Variants in PDCD10 observed in about 807,000 individuals in gnomAD.
The protein encoded by PDCD10 is programmed cell death 10, also known as programmed cell death protein 10.
A neutral mutation model predicts 29.2 loss-of-function variants in PDCD10; 4 were observed. The ratio of observed to expected loss-of-function variants is 0.14; its 90% CI spans 0.07 to 0.31. The LOEUF (loss-of-function observed/expected upper bound fraction) is 0.31. Ranked by LOEUF, PDCD10 falls within the 10% of genes least tolerant of loss-of-function variation. PDCD10 has a pLI of 1.00. For synonymous variants in PDCD10, 70 were observed against 82.2 expected (o/e 0.85, Z 0.80); for missense variants, 183 against 257.9 (o/e 0.71, Z 1.99).
Position 167,704,900 on chromosome 3 carries a change from A to G in PDCD10, c.97-5T>C. ...AGACAGATTTACTCGTTCTAGCTGC[A>G]ATAAAAATTTTAAATTATTATGAAT... On this transcript the variant is annotated splice_region_variant and splice_polypyrimidine_tract_variant and intron_variant, in intron 3 of 8. Transcript: ENST00000392750. 5 of 1,597,000 alleles carry G rather than the reference A, an allele frequency of 3.1e-6. No individual in the cohort carries two copies. The highest frequency in any genetic ancestry group is 4.3e-6 in the Non-Finnish European group (5 of 1,166,126).
rs1282337008 is a variant in PDCD10, at chr3:167,701,744, G to A, written c.150+3098C>T. On this transcript the variant is annotated intron_variant, in intron 4 of 8. Coordinates refer to ENST00000392750, the MANE Select transcript of PDCD10 (RefSeq NM_007217.4). ...GAAAGAATACCATGAAAGTCTGGAA[G>A]AATTACACCACTGATGCTACTGTTG... 3.9e-5 allele frequency among the ~76,000 whole-genome samples: 6 copies of A among 152,152 alleles called. No individual in the cohort carries two copies. In the East Asian group the frequency reaches 9.6e-4, roughly 24 times the overall value.
At chr3:167,722,159 G>C (rs1723632695) in intron 2 of PDCD10, among the ~76,000 whole-genome samples, 1 of 152,042 alleles carries the variant, frequency 6.6e-6, no homozygotes, top group Admixed American at 6.6e-5. Flanking sequence ...AGCAGCAGAA[G>C]GCATGGTATC....
chr3:167,715,803 A>G (rs1394009329), intron 3 of PDCD10, among the ~76,000 whole-genome samples: 1 of 152,072 alleles, frequency 6.6e-6, no homozygotes, highest in Non-Finnish European at 1.5e-5. Flanking sequence ...ACCCTGGTAT[A>G]GTGTTGGCTG....
At chr3:167,696,877 C>T (rs758927835) in intron 5 of PDCD10, 132 bp downstream of exon 5, 4 of 726,824 alleles carry the variant, frequency 5.5e-6, no homozygotes, top group Non-Finnish European at 1.0e-5. Flanking sequence ...CCACCACCAC[C>T]ATCATCATCA....
intron 2 of PDCD10, among the ~76,000 whole-genome samples, chr3:167,728,235 A>AT (rs1327230880): frequency 7.9e-5 from 11 of 140,058 alleles, no homozygotes; most frequent in Middle Eastern, 3.4e-3. Context: ...GCAGTTCTCA[A>AT]TAAAAAAAAA....
At chr3:167,728,049 T>G (rs573133975) in intron 2 of PDCD10, among the ~76,000 whole-genome samples, 2 of 152,350 alleles carry the variant, frequency 1.3e-5, no homozygotes, top group East Asian at 3.9e-4. Context: ...AGGGCTAGGA[T>G]AGTATCTGTT....
chr3:167,731,951 G>C (rs747542576), intron 2 of PDCD10, among the ~76,000 whole-genome samples: 2 of 152,146 alleles, frequency 1.3e-5, no homozygotes, highest in Non-Finnish European at 2.9e-5. Flanking sequence ...AATATGTAAA[G>C]GCCACCAAGT....
intron 2 of PDCD10, among the ~76,000 whole-genome samples, chr3:167,729,469 G>C (rs1044161364): frequency 2.0e-5 from 3 of 152,118 alleles, no homozygotes; most frequent in Admixed American, 2.0e-4. Flanking sequence ...ATGGTCTCTT[G>C]AGTCAGCCAG....
At chr3:167,693,696 A>G (rs1184075037) in intron 6 of PDCD10, among the ~76,000 whole-genome samples, 4 of 151,914 alleles carry the variant, frequency 2.6e-5, no homozygotes, top group South Asian at 4.2e-4. Flanking sequence ...TAATCCCAAC[A>G]CTTTGGGAGG....
chr3:167,734,213 C>G lies in PDCD10; in HGVS notation c.-117+1G>C, dbSNP rs1256100103. On this transcript the variant is annotated splice_donor_variant, in intron 2 of 8. Transcript: ENST00000392750. LOFTEE classifies it low-confidence loss of function (5UTR_SPLICE). Reference sequence around the variant, plus strand: ...AAAGCAGTAAAGGAGTAAAAACATACCTTAGGTATGACACCTAAGAGGGTC... The same window carrying G: ...AAAGCAGTAAAGGAGTAAAAACATAGCTTAGGTATGACACCTAAGAGGGTC... The G allele has an allele frequency of 6.6e-6, 1 of 152,188 alleles. No homozygotes were observed. The highest frequency in any genetic ancestry group is 1.5e-5 in the Non-Finnish European group (1 of 68,084). The allele number at this position is 152,188 out of a possible 1,614,324, so 9.4% of individuals were successfully genotyped here.
At chr3:167,712,803 G>A (rs761600503) in intron 3 of PDCD10, among the ~76,000 whole-genome samples, 1 of 151,982 alleles carries the variant, frequency 6.6e-6, no homozygotes, top group Non-Finnish European at 1.5e-5. Flanking sequence ...AAGAGTAGGA[G>A]CAGCTGTATT....
chr3:167,705,021 G>A, intron 3 of PDCD10, 126 bp from the exon 4 acceptor site: 1 of 583,488 alleles, frequency 1.7e-6, no homozygotes, highest in Non-Finnish European at 3.1e-6. Flanking sequence ...GTTAACAATT[G>A]TACATCACCG....
intron 3 of PDCD10, among the ~76,000 whole-genome samples, chr3:167,708,231 T>C (rs1390961157): frequency 1.3e-5 from 2 of 151,696 alleles, no homozygotes; most frequent in Non-Finnish European, 2.9e-5. Context: ...CAGTTTCTTC[T>C]ACACTTTTCC....
Position 167,684,241 on chromosome 3 carries a change from T to TA in PDCD10, c.*66dup. The stretch of plus-strand genomic sequence containing the variant: ...ACTGATAATTTATACAGTCAAACTT[T>TA]AAAATTTACAGATAAAGGCAGTTCA... On this transcript the variant is annotated 3_prime_UTR_variant, in exon 9 of 9. Coordinates refer to ENST00000392750, the MANE Select transcript of PDCD10 (RefSeq NM_007217.4). 1 of 891,342 alleles carries TA rather than the reference T, an allele frequency of 1.1e-6. No individual in the cohort carries two copies. The highest frequency in any genetic ancestry group is 1.9e-6 in the Non-Finnish European group (1 of 524,770). 55.2% of individuals were successfully genotyped at this position (891,342 alleles called of 1,614,324 possible).
In PDCD10 at chr3:167,715,618, C is replaced by T. The variant is rs890004541; in HGVS notation, c.96+4444G>A. On this transcript the variant is annotated intron_variant, in intron 3 of 8. Transcript: ENST00000392750. Reference sequence around the variant, plus strand: ...GGGCTAAAGATCTGAGTAGACATTCCTCAAAAGAAGACATACAAATGACAA... The same window carrying T: ...GGGCTAAAGATCTGAGTAGACATTCTTCAAAAGAAGACATACAAATGACAA... Among the ~76,000 whole-genome samples, 3 of 151,982 alleles carry T rather than the reference C, an allele frequency of 2.0e-5. No homozygotes were observed. In the East Asian group the frequency reaches 5.8e-4, roughly 29 times the overall value.
At chr3:167,699,491 T>C (rs1346327074) in intron 4 of PDCD10, among the ~76,000 whole-genome samples, 1 of 152,220 alleles carries the variant, frequency 6.6e-6, no homozygotes, top group Non-Finnish European at 1.5e-5. Flanking sequence ...TTAAGCTAAT[T>C]CTTATTTCAA....
At chr3:167,685,374 C>G (rs534708870) in intron 8 of PDCD10, among the ~76,000 whole-genome samples, 2 of 111,956 alleles carry the variant, frequency 1.8e-5, no homozygotes, top group East Asian at 2.9e-4. Context: ...CCAGCCTGGG[C>G]AACATAGCAA....
At chr3:167,717,770 T>A (rs1723163460) in intron 3 of PDCD10, among the ~76,000 whole-genome samples, 1 of 152,050 alleles carries the variant, frequency 6.6e-6, no homozygotes, top group Non-Finnish European at 1.5e-5. Flanking sequence ...ACCCTATACT[T>A]CTGAACATGC....
At chr3:167,726,441 A>G (rs141910240) in intron 2 of PDCD10, among the ~76,000 whole-genome samples, 2 of 152,242 alleles carry the variant, frequency 1.3e-5, no homozygotes, top group African/African-American at 4.8e-5. Context: ...AATGGGTAAG[A>G]AGTAACTTTT....
Sources: allele counts gnomAD v4.1 joint callset (sites outside exome capture counted in the v4.1 genomes callset), GRCh38; gene constraint gnomAD v4.1.1; transcripts MANE v1.5; gene names NCBI Gene and HGNC (gene_info 2026-07-23, HGNC 2026-07-21).